The following PHC3 variants were observed in gnomAD, a reference collection of about 807,000 sequenced individuals.
The protein encoded by PHC3 is polyhomeotic-like protein 3.
Under a neutral mutation model 107.4 loss-of-function variants are expected in PHC3, and 13 were observed. The observed-to-expected ratio is 0.12, with a 90% CI of 0.08 to 0.19. The LOEUF is 0.19. Among genes scored for constraint, PHC3 ranks in the 10% least tolerant of loss-of-function variants. The probability of loss-of-function intolerance (pLI) is 1.00; values close to 1 mark genes in which losing one functional copy is unlikely to be tolerated. For synonymous variants in PHC3, 456 were observed against 427.4 expected (o/e 1.07, Z -0.83); for missense variants, 992 against 1,210.9 (o/e 0.82, Z 2.68).
chr3:170,179,799 T>C (rs1291739498), intron 1 of PHC3, among the ~76,000 whole-genome samples: 1 of 152,194 alleles, frequency 6.6e-6, no homozygotes, highest in African/African-American at 2.4e-5. Context: ...TTAAGTCAAT[T>C]CTAAGGACCT....
chr3:170,142,293 T>C (rs1253563881), intron 6 of PHC3, among the ~76,000 whole-genome samples: 1 of 152,154 alleles, frequency 6.6e-6, no homozygotes, highest in African/African-American at 2.4e-5. Flanking sequence ...GTTAAGGACT[T>C]ATAATAATAA....
chr3:170,118,904 TA>T (rs1719587665), intron 9 of PHC3, among the ~76,000 whole-genome samples: 1 of 151,880 alleles, frequency 6.6e-6, no homozygotes, highest in African/African-American at 2.4e-5. Flanking sequence ...AGTGCAGGTA[TA>T]AGCCACCATG....
chr3:170,108,366 G>A (rs1716979903), intron 11 of PHC3, among the ~76,000 whole-genome samples: 1 of 152,108 alleles, frequency 6.6e-6, no homozygotes, highest in African/African-American at 2.4e-5. Context: ...ATGGCAAAGT[G>A]CTAAATTAAG....
rs897588541 is a variant in PHC3 at position 170,092,924 on chromosome 3, C to G, written c.*4306G>C. On this transcript the variant is annotated 3_prime_UTR_variant, in exon 15 of 15. Coordinates refer to ENST00000495893, the MANE Select transcript of PHC3 (RefSeq NM_024947.4). ...AACTATAACCTATTTACTGCTATAA[C>G]TGGCATCTAACAAAACGCATTATTT... is the stretch of plus-strand genomic sequence containing the variant. The G allele has an allele frequency of 8.5e-5, 13 of 152,196 alleles. No individual in the cohort carries two copies. The highest frequency in any genetic ancestry group is 1.9e-4 in the Non-Finnish European group (13 of 68,036). The allele number at this position is 152,196 out of a possible 1,614,324, so 9.4% of individuals were successfully genotyped here.
chr3:170,121,785 T>G (rs1317118337), intron 9 of PHC3, among the ~76,000 whole-genome samples: 1 of 152,246 alleles, frequency 6.6e-6, no homozygotes, highest in Non-Finnish European at 1.5e-5. Flanking sequence ...TTAAATCTTT[T>G]GAAAGAATTT....
At chr3:170,154,910 A>T (rs1407812453) in intron 4 of PHC3, among the ~76,000 whole-genome samples, 1 of 152,100 alleles carries the variant, frequency 6.6e-6, no homozygotes, top group African/African-American at 2.4e-5. Context: ...TGCTGACCTA[A>T]ACCAGATGTC....
rs2108229628 is a variant in PHC3, at chr3:170,093,027, T to C, written c.*4203A>G. The C allele has an allele frequency of 6.6e-6, 1 of 152,386 alleles. No homozygotes were observed. 9.4% of individuals were successfully genotyped at this position (152,386 alleles called of 1,614,324 possible). A position where few individuals can be genotyped will look rare whatever the true frequency, so the allele number is the denominator to read the frequency against. On this transcript the variant is annotated 3_prime_UTR_variant, in exon 15 of 15. Transcript: ENST00000495893. ...TCTAGAATGCTTTGTTCCTCCTACT[T>C]GTCTCCTCCTCTACTTCCCTATCCT... is the stretch of plus-strand genomic sequence containing the variant.
chr3:170,125,884 T>A, intron 8 of PHC3: 1 of 578,790 alleles, frequency 1.7e-6, no homozygotes, highest in South Asian at 7.7e-5. Flanking sequence ...ACAAGATCAT[T>A]AGGAAACTGC....
At chr3:170,154,184 T>C (rs1273914453) in intron 4 of PHC3, among the ~76,000 whole-genome samples, 1 of 152,224 alleles carries the variant, frequency 6.6e-6, no homozygotes, top group Non-Finnish European at 1.5e-5. Context: ...ATATCCAGTA[T>C]CTACGAAAGG....
chr3:170,135,988 G>T (rs1723010339), intron 7 of PHC3, among the ~76,000 whole-genome samples: 1 of 152,022 alleles, frequency 6.6e-6, no homozygotes, highest in African/African-American at 2.4e-5. Context: ...AACAACATAA[G>T]GAAAATAATT....
At chr3:170,117,091 G>A in intron 10 of PHC3, 135 bp downstream of exon 10, 1 of 1,112,588 alleles carries the variant, frequency 9.0e-7, no homozygotes, top group Non-Finnish European at 1.3e-6. Flanking sequence ...GAAGTAGAAA[G>A]ATAAATGCTA....
intron 11 of PHC3, among the ~76,000 whole-genome samples, chr3:170,108,602 C>T (rs1717017604): frequency 1.3e-5 from 2 of 152,150 alleles, no homozygotes; most frequent in African/African-American, 4.8e-5. Flanking sequence ...AATGACCTTC[C>T]AACGGCCCAG....
intron 7 of PHC3, among the ~76,000 whole-genome samples, chr3:170,133,524 A>G (rs1722588567): frequency 2.0e-5 from 3 of 152,168 alleles, no homozygotes; most frequent in Admixed American, 1.3e-4. Context: ...AAAGGTGAAA[A>G]ATATAGCTAT....
chr3:170,173,788 A>C (rs1299162859), intron 2 of PHC3, among the ~76,000 whole-genome samples: 1 of 152,222 alleles, frequency 6.6e-6, no homozygotes, highest in Non-Finnish European at 1.5e-5. Context: ...GAAAACTTTC[A>C]AAGACCACTG....
In PHC3 at chr3:170,090,604, T is replaced by C. The variant is rs1337831918; in HGVS notation, c.*6626A>G. On this transcript the variant is annotated 3_prime_UTR_variant, in exon 15 of 15. Coordinates refer to ENST00000495893, the MANE Select transcript of PHC3 (RefSeq NM_024947.4). The stretch of plus-strand genomic sequence containing the variant: ...CCAAGAAATGGATGCTTATTAAGTA[T>C]AAAATGAACCCTTAAAAAAGGAAAG... The C allele has an allele frequency of 6.6e-6, 1 of 152,058 alleles. No individual in the cohort carries two copies. Among genetic ancestry groups the C allele is most frequent in the Non-Finnish European group, 1.5e-5 (1 of 68,004 alleles). 9.4% of individuals were successfully genotyped at this position (152,058 alleles called of 1,614,324 possible).
chr3:170,155,296 A>G (rs1031218462), intron 4 of PHC3, among the ~76,000 whole-genome samples: 13 of 152,266 alleles, frequency 8.5e-5, no homozygotes, highest in African/African-American at 2.9e-4. Flanking sequence ...ATGTATCTGT[A>G]TTCAGTGGCA....
At chr3:170,144,494 A>G (rs1724642696) in intron 6 of PHC3, among the ~76,000 whole-genome samples, 1 of 152,180 alleles carries the variant, frequency 6.6e-6, no homozygotes, top group Admixed American at 6.5e-5. Flanking sequence ...CAGGGTAAAC[A>G]TAAGGAGTAG....
chr3:170,097,072 A>G lies in PHC3; in HGVS notation c.*158T>C. 3.5e-6 allele frequency: 2 copies of G among 568,104 alleles called. No homozygotes were observed. Among genetic ancestry groups the G allele is most frequent in the Non-Finnish European group, 5.8e-6 (2 of 342,038 alleles). The allele number at this position is 568,104 out of a possible 1,614,324, so 35.2% of individuals were successfully genotyped here. The stretch of plus-strand genomic sequence containing the variant: ...TTATGAAAATGCATGATGAATTATT[A>G]TACCTGTAGAAGAAATGTCAGTATT... On this transcript the variant is annotated 3_prime_UTR_variant, in exon 15 of 15. Transcript: ENST00000495893. This position sits in a 1 kb window ranked among gnomAD's most constrained non-coding sequence, Gnocchi z 4.1.
chr3:170,154,272 T>C (rs983553713), intron 4 of PHC3, among the ~76,000 whole-genome samples: 3 of 152,346 alleles, frequency 2.0e-5, no homozygotes, highest in Admixed American at 6.5e-5. Context: ...GGCATATTCA[T>C]GCAATATTTA....
Sources: gnomAD v4.1 joint callset for allele counts (sites outside exome capture counted in the v4.1 genomes callset) on GRCh38, gnomAD v4.1.1 for gene constraint, Gnocchi (gnomAD v3.1) non-coding constraint, MANE v1.5 for transcripts, NCBI Gene and HGNC (gene_info 2026-07-23, HGNC 2026-07-21) for gene names.